Variants in KATNAL1 observed in about 807,000 individuals in gnomAD.
KATNAL1 encodes the protein katanin catalytic subunit A1 like 1.
KATNAL1 carries 32 observed loss-of-function variants against 55.2 expected under a neutral mutation model. The observed-to-expected ratio is 0.58, with a 90% confidence interval of 0.44 to 0.78. The LOEUF (loss-of-function observed/expected upper bound fraction) is 0.78, where lower values mean the gene tolerates loss of function less well. Among genes scored for constraint, KATNAL1 ranks in the 30% least tolerant of loss-of-function variants. The pLI, the probability that KATNAL1 is intolerant of heterozygous loss-of-function variation, is 0.00. For synonymous variants in KATNAL1, 193 were observed against 193.6 expected, an observed-to-expected ratio of 1.00 and a Z score of 0.02; for missense variants, 466 against 600.9, an observed-to-expected ratio of 0.78 and a Z score of 2.35.
At chr13:30,222,379 T>C (rs1000482272) in intron 9 of KATNAL1, among the ~76,000 whole-genome samples, 1 of 152,136 alleles carries the variant, frequency 6.6e-6, no homozygotes, top group African/African-American at 2.4e-5. Context: ...GCCAGCTCAG[T>C]GTACAGATTT....
At chr13:30,291,799 G>A (rs1882150162) in intron 1 of KATNAL1, among the ~76,000 whole-genome samples, 1 of 152,146 alleles carries the variant, frequency 6.6e-6, no homozygotes, top group Non-Finnish European at 1.5e-5. Flanking sequence ...ACTTTGGGAA[G>A]CCGAGGAGAG....
At chr13:30,300,254 G>A (rs1222412132) in intron 1 of KATNAL1, among the ~76,000 whole-genome samples, 1 of 152,154 alleles carries the variant, frequency 6.6e-6, no homozygotes, top group Non-Finnish European at 1.5e-5. Context: ...CAATACATAT[G>A]AGGCTAAGAA....
intron 3 of KATNAL1, among the ~76,000 whole-genome samples, chr13:30,259,917 G>A (rs1274055359): frequency 6.6e-6 from 1 of 151,978 alleles, no homozygotes; most frequent in African/African-American, 2.4e-5. Context: ...ACCTCTGGGG[G>A]CAGGGCACAG....
chr13:30,217,199 T>A (rs996555626), intron 9 of KATNAL1, among the ~76,000 whole-genome samples: 1 of 152,176 alleles, frequency 6.6e-6, no homozygotes. Flanking sequence ...ACGCCTGTAA[T>A]CCCAGCACTT....
rs1001542683 is a variant in KATNAL1, at chr13:30,206,640, G to A, written c.*1900C>T. The A allele has an allele frequency of 6.6e-5, 10 of 151,602 alleles. No homozygotes were observed. Among genetic ancestry groups the A allele is most frequent in the South Asian group, 4.2e-4 (2 of 4,770 alleles). The allele number at this position is 151,602 out of a possible 1,614,324, so 9.4% of individuals were successfully genotyped here. A position where few individuals can be genotyped will look rare whatever the true frequency, so the allele number is the denominator to read the frequency against. On this transcript the variant is annotated 3_prime_UTR_variant, in exon 11 of 11. Coordinates refer to ENST00000380615, the MANE Select transcript of KATNAL1 (RefSeq NM_032116.5). ...GTTAGGCTGGTGCAAAAGTAATTGC[G>A]GTTTTTGCCATTGAAAGTAATGGAA...
chr13:30,270,318 C>T lies in KATNAL1; in HGVS notation c.323+9745G>A, dbSNP rs185609501. On this transcript the variant is annotated intron_variant, in intron 3 of 10. Coordinates refer to ENST00000380615, the MANE Select transcript of KATNAL1 (RefSeq NM_032116.5). ...GGAGGTGGGGGGTCAGCCCCCCGCC[C>T]GGCCAGCCGCCCCACCCGGGAGGTG... 4.0e-3 allele frequency among the ~76,000 whole-genome samples: 610 copies of T among 150,734 alleles called. 3 individuals are homozygous for T. The highest frequency in any genetic ancestry group is 6.1e-3 in the Non-Finnish European group (414 of 67,482).
intron 2 of KATNAL1, among the ~76,000 whole-genome samples, chr13:30,281,396 T>G (rs1016328880): frequency 3.9e-5 from 6 of 152,228 alleles, no homozygotes; most frequent in African/African-American, 1.2e-4. Flanking sequence ...AGAAACATAG[T>G]AGAAATGTCT....
intron 3 of KATNAL1, among the ~76,000 whole-genome samples, chr13:30,258,430 C>T (rs1235119062): frequency 2.0e-5 from 3 of 152,032 alleles, no homozygotes; most frequent in East Asian, 3.9e-4. Flanking sequence ...GTGTGATTTG[C>T]TCTTTTCTTT....
chr13:30,276,347 T>C (rs1401620418), intron 3 of KATNAL1, among the ~76,000 whole-genome samples: 1 of 152,160 alleles, frequency 6.6e-6, no homozygotes, highest in Non-Finnish European at 1.5e-5. Flanking sequence ...GTACACAGAT[T>C]ACCTTGGTAG....
rs112101188 is a variant in KATNAL1, at chr13:30,248,447, C to T, written c.492+7000G>A. 1.4e-3 allele frequency among the ~76,000 whole-genome samples: 215 copies of T among 152,100 alleles called. 1 individual carries two copies. The highest frequency in any genetic ancestry group is 5.0e-3 in the African/African-American group (208 of 41,498). On this transcript the variant is annotated intron_variant, in intron 4 of 10. Coordinates refer to ENST00000380615, the MANE Select transcript of KATNAL1 (RefSeq NM_032116.5). ...ACTATAAATTAGCTACCACCAGAGACAAAATTTGTGGAGCAACTTAATATT... is the reference window on the plus strand; with the variant it reads ...ACTATAAATTAGCTACCACCAGAGATAAAATTTGTGGAGCAACTTAATATT...
intron 3 of KATNAL1, among the ~76,000 whole-genome samples, chr13:30,257,591 T>C (rs1263038082): frequency 6.6e-6 from 1 of 152,198 alleles, no homozygotes. Context: ...CCACCTCAGC[T>C]TGCGATTCAA....
chr13:30,286,238 C>T (rs537802978), intron 1 of KATNAL1, among the ~76,000 whole-genome samples: 1 of 152,324 alleles, frequency 6.6e-6, no homozygotes, highest in South Asian at 2.1e-4. Flanking sequence ...GAAAATGCCT[C>T]CAGGGCATGT....
intron 9 of KATNAL1, among the ~76,000 whole-genome samples, chr13:30,218,657 T>C (rs1363575048): frequency 6.6e-6 from 1 of 152,150 alleles, no homozygotes; most frequent in East Asian, 1.9e-4. Flanking sequence ...GGGTAATTCA[T>C]AAAATTCGAT....
chr13:30,295,187 A>G (rs1450641090), intron 1 of KATNAL1, among the ~76,000 whole-genome samples: 8 of 152,232 alleles, frequency 5.3e-5, no homozygotes, highest in Admixed American at 3.3e-4. Flanking sequence ...GGTGCCATAG[A>G]TAGTGATTTC....
chr13:30,244,458 A>G (rs988443538), intron 4 of KATNAL1, among the ~76,000 whole-genome samples: 5 of 152,146 alleles, frequency 3.3e-5, no homozygotes, highest in African/African-American at 1.2e-4. Context: ...GGATTGCTGG[A>G]TCAAAGGGTA....
rs58215017 is a variant in KATNAL1, at chr13:30,276,504, G to A, written c.323+3559C>T. Among the ~76,000 whole-genome samples, 2,748 of 146,876 alleles carry A rather than the reference G, an allele frequency of 0.019. 137 individuals carry two copies. The East Asian group carries it at 0.22, about 12-fold the overall frequency. ...TTGTATAAAACAGGGTAAATTACAA[G>A]GTGAGAGATGGCAAAAAAAAAAAAA... On this transcript the variant is annotated intron_variant, in intron 3 of 10. Transcript: ENST00000380615.
chr13:30,238,768 T>C (rs999799533), intron 6 of KATNAL1, among the ~76,000 whole-genome samples: 5 of 152,192 alleles, frequency 3.3e-5, no homozygotes, highest in African/African-American at 1.2e-4. Context: ...GGATGTCTCA[T>C]AGCTCAGGGA....
chr13:30,261,978 C>T (rs1405676541), intron 3 of KATNAL1, among the ~76,000 whole-genome samples: 1 of 152,184 alleles, frequency 6.6e-6, no homozygotes, highest in Non-Finnish European at 1.5e-5. Flanking sequence ...GTAAAGTTCT[C>T]CTCATCAAAT....
intron 6 of KATNAL1, among the ~76,000 whole-genome samples, chr13:30,238,448 C>A (rs528538646): frequency 1.1e-4 from 16 of 152,254 alleles, no homozygotes; most frequent in Admixed American, 2.6e-4. Flanking sequence ...TTCTATGCTG[C>A]CTTCCTTACA....
Sources: allele counts gnomAD v4.1 joint callset (sites outside exome capture counted in the v4.1 genomes callset), GRCh38; gene constraint gnomAD v4.1.1; transcripts MANE v1.5; gene names NCBI Gene and HGNC (gene_info 2026-07-23, HGNC 2026-07-21).